ENOX1: variants seen among roughly 807,000 people sequenced by gnomAD.
ENOX1 encodes the protein candidate growth-related and time keeping constitutive hydroquinone (NADH) oxidase.
ENOX1 carries 42 observed loss-of-function variants against 82.5 expected under a neutral mutation model. That is an observed-to-expected ratio of 0.51 (90% CI 0.40 to 0.66). ENOX1 has a LOEUF of 0.66. Ranked by LOEUF, ENOX1 falls within the 30% of genes least tolerant of loss-of-function variation. The pLI, the probability that ENOX1 is intolerant of heterozygous loss-of-function variation, is 0.00. For missense variants in ENOX1, 608 were observed against 811.6 expected (o/e 0.75, Z 3.05); for synonymous variants, 271 against 282.2 (o/e 0.96, Z 0.40).
At chr13:43,702,609 A>T (rs928418261) in intron 1 of ENOX1, among the ~76,000 whole-genome samples, 2 of 152,176 alleles carry the variant, frequency 1.3e-5, no homozygotes, top group African/African-American at 4.8e-5. Flanking sequence ...CTAGGAAGTG[A>T]TTAAGTGATG....
intron 2 of ENOX1, among the ~76,000 whole-genome samples, chr13:43,610,890 T>A (rs1292073365): frequency 6.6e-6 from 1 of 152,144 alleles, no homozygotes; most frequent in Non-Finnish European, 1.5e-5. Context: ...AAAATACTAC[T>A]CAGTGTAAGA....
intron 3 of ENOX1, among the ~76,000 whole-genome samples, chr13:43,423,105 G>A (rs1344228803): frequency 6.6e-6 from 1 of 152,156 alleles, no homozygotes; most frequent in Non-Finnish European, 1.5e-5. Flanking sequence ...GTTTTAAAGT[G>A]TAGGACCTTT....
intron 3 of ENOX1, among the ~76,000 whole-genome samples, chr13:43,423,287 A>G (rs1383799386): frequency 6.7e-6 from 1 of 148,376 alleles, no homozygotes; most frequent in African/African-American, 2.5e-5. Context: ...CACAGACCAT[A>G]AAAAAAAAAG....
Position 43,432,929 on chromosome 13 carries a change from C to G in ENOX1, c.-74-19941G>C, listed in dbSNP as rs193298896. On this transcript the variant is annotated intron_variant, in intron 3 of 16. Transcript: ENST00000690772. ...TATTCACCAAACAGCAATTAATTGT[C>G]AATAAAACACATCCACACTGTGAAC... Among the ~76,000 whole-genome samples, 1,000 of 152,092 alleles carry G rather than the reference C, an allele frequency of 6.6e-3. 10 individuals are homozygous for G. Among genetic ancestry groups the G allele is most frequent in the African/African-American group, 0.022 (899 of 41,484 alleles).
chr13:43,301,148 G>A (rs1384804448), intron 11 of ENOX1, among the ~76,000 whole-genome samples: 3 of 152,226 alleles, frequency 2.0e-5, no homozygotes, highest in Admixed American at 6.5e-5. Flanking sequence ...AGACACTTAA[G>A]TCATTTCCTT....
chr13:43,378,581 A>C (rs2051808194), intron 5 of ENOX1, among the ~76,000 whole-genome samples: 1 of 152,240 alleles, frequency 6.6e-6, no homozygotes, highest in African/African-American at 2.4e-5. Flanking sequence ...GAATACTCAG[A>C]ATGGTATCAC....
rs533032540 is a variant in ENOX1 at position 43,653,522 on chromosome 13, G to A, written c.-219+13957C>T. On this transcript the variant is annotated intron_variant, in intron 2 of 16. Transcript: ENST00000690772. ...GTACCAATTTATAATTTATGTTCTT[G>A]GCACATAGTATATATTGTGAATTTG... 8.5e-5 allele frequency among the ~76,000 whole-genome samples: 13 copies of A among 152,194 alleles called. No individual in the cohort carries two copies. The South Asian group carries it at 2.3e-3, about 27-fold the overall frequency.
intron 2 of ENOX1, among the ~76,000 whole-genome samples, chr13:43,526,201 A>G (rs1015135892): frequency 2.0e-5 from 3 of 152,154 alleles, no homozygotes; most frequent in Non-Finnish European, 2.9e-5. Context: ...AAAGCACATA[A>G]TGTTGCCTGA....
At chr13:43,576,344 A>G (rs757407365) in intron 2 of ENOX1, among the ~76,000 whole-genome samples, 1 of 152,224 alleles carries the variant, frequency 6.6e-6, no homozygotes, top group Non-Finnish European at 1.5e-5. Context: ...AGCTTCCCAC[A>G]GCTGACGAGG....
intron 5 of ENOX1, among the ~76,000 whole-genome samples, chr13:43,403,450 T>C (rs1166697911): frequency 6.6e-6 from 1 of 152,246 alleles, no homozygotes; most frequent in African/African-American, 2.4e-5. Context: ...CAATCTTTGA[T>C]TTGCTTTAAG....
At chr13:43,269,846 TG>T (rs1381667709) in intron 12 of ENOX1, among the ~76,000 whole-genome samples, 2 of 152,234 alleles carry the variant, frequency 1.3e-5, no homozygotes, top group South Asian at 2.1e-4. Context: ...AATGCCTATT[TG>T]TAAAACTATA....
At chr13:43,667,888 A>C (rs1316635789) in intron 1 of ENOX1, among the ~76,000 whole-genome samples, 1 of 152,222 alleles carries the variant, frequency 6.6e-6, no homozygotes, top group African/African-American at 2.4e-5. Flanking sequence ...GAAAGCCTAA[A>C]TAAATAAAGC....
chr13:43,233,323 G>A (rs758954292), intron 15 of ENOX1, among the ~76,000 whole-genome samples: 4 of 152,136 alleles, frequency 2.6e-5, no homozygotes, highest in Non-Finnish European at 5.9e-5. Context: ...TGAATTGGAA[G>A]ACCCATTAAT....
chr13:43,516,177 A>G (rs1230187053), intron 2 of ENOX1, among the ~76,000 whole-genome samples: 1 of 152,178 alleles, frequency 6.6e-6, no homozygotes, highest in Non-Finnish European at 1.5e-5. Context: ...GAATTTACCA[A>G]AAGTTTCTGA....
chr13:43,243,390 G>A (rs552534267), intron 14 of ENOX1, among the ~76,000 whole-genome samples: 2 of 152,174 alleles, frequency 1.3e-5, no homozygotes, highest in East Asian at 3.9e-4. Flanking sequence ...TCTCTCAAGT[G>A]TCTGTGAGAT....
intron 3 of ENOX1, among the ~76,000 whole-genome samples, chr13:43,433,755 T>C (rs1317106356): frequency 6.6e-6 from 1 of 152,242 alleles, no homozygotes; most frequent in Non-Finnish European, 1.5e-5. Flanking sequence ...ATTTGCCAGA[T>C]GCTTCAACAT....
intron 1 of ENOX1, among the ~76,000 whole-genome samples, chr13:43,774,530 G>A (rs935817784): frequency 1.3e-5 from 2 of 152,180 alleles, no homozygotes; most frequent in Non-Finnish European, 2.9e-5. Flanking sequence ...ATTTGTCCAT[G>A]AGGCTGAAGT....
chr13:43,776,714 C>T (rs924840491), intron 1 of ENOX1, among the ~76,000 whole-genome samples: 12 of 151,968 alleles, frequency 7.9e-5, no homozygotes, highest in Admixed American at 7.9e-4. Flanking sequence ...TTGCTGGAAT[C>T]TGTGGGACAA....
chr13:43,470,417 T>TATAA lies in ENOX1; in HGVS notation c.-75+13591_-75+13592insTTAT, dbSNP rs1189017192. Among the ~76,000 whole-genome samples the TATAA allele has an allele frequency of 1.6e-3, 206 of 132,130 alleles. 3 individuals are homozygous for TATAA. Among genetic ancestry groups the TATAA allele is most frequent in the African/African-American group, 5.4e-3 (192 of 35,522 alleles). The allele number at this position is 132,130 out of a possible 152,430, so 86.7% of individuals were successfully genotyped here. A position where few individuals can be genotyped will look rare whatever the true frequency, so the allele number is the denominator to read the frequency against. On this transcript the variant is annotated intron_variant, in intron 3 of 16. Coordinates refer to ENST00000690772, the MANE Select transcript of ENOX1 (RefSeq NM_001347969.2). Reference sequence around the variant, plus strand: ...ATATATGTGTATATATATATATATATAACAGAGATAACCTTGTTTTAGACA... The same window carrying TATAA: ...ATATATGTGTATATATATATATATATATAAAACAGAGATAACCTTGTTTTAGACA...
Sources: gnomAD v4.1 joint callset for allele counts (sites outside exome capture counted in the v4.1 genomes callset) on GRCh38, gnomAD v4.1.1 for gene constraint, MANE v1.5 for transcripts, NCBI Gene and HGNC (gene_info 2026-07-23, HGNC 2026-07-21) for gene names.